Variants in LHPP observed in about 807,000 individuals in gnomAD.
LHPP encodes the protein hLHPP.
In LHPP, 24 loss-of-function variants were observed where a neutral mutation model predicts 30.3. That is an observed-to-expected ratio of 0.79 (90% CI 0.57 to 1.11). The LOEUF is 1.11. Among genes scored for constraint, LHPP ranks in the 50% most tolerant of loss-of-function variants. LHPP has a pLI of 0.00. For synonymous variants in LHPP, 150 were observed against 157.1 expected (o/e 0.95, Z 0.34); for missense variants, 356 against 367.2 (o/e 0.97, Z 0.25).
At chr10:124,519,269 A>G (rs1049201118) in intron 6 of LHPP, among the ~76,000 whole-genome samples, 1 of 152,292 alleles carries the variant, frequency 6.6e-6, no homozygotes, top group South Asian at 2.1e-4. Flanking sequence ...AACTCCATCA[A>G]CAGTTTGCCG....
chr10:124,501,769 A>T (rs1277806386), intron 5 of LHPP, among the ~76,000 whole-genome samples: 1 of 151,912 alleles, frequency 6.6e-6, no homozygotes, highest in Admixed American at 6.6e-5. Context: ...CACCTAAAAA[A>T]TTAACAGTGA....
Position 124,484,187 on chromosome 10 carries a change from G to T in LHPP, c.174G>T (p.Gln58His), listed in dbSNP as rs150798158. ...LKVRFCTNES[Q>H]KSRAELVGQL... The stretch of plus-strand genomic sequence containing the variant: ...TGAGGTTCTGCACCAACGAGTCGCA[G>T]AAGTCCCGGGCAGAGCTGGTGGGGC... Residue 58 changes from glutamine to histidine, a missense_variant, in exon 2 of 7, where the codon CAG (glutamine) becomes CAT (histidine). Coordinates refer to ENST00000368842, the MANE Select transcript of LHPP (RefSeq NM_022126.4). The T allele has an allele frequency of 1.1e-5, 17 of 1,614,140 alleles. No homozygotes were observed. In the African/African-American group the frequency reaches 2.0e-4, roughly 19 times the overall value.
At chr10:124,575,940 C>T (rs1272984764) in intron 6 of LHPP, among the ~76,000 whole-genome samples, 2 of 152,142 alleles carry the variant, frequency 1.3e-5, no homozygotes, top group South Asian at 2.1e-4. Context: ...GGTGCCAGGT[C>T]GGGGGTCTGG....
intron 3 of LHPP, among the ~76,000 whole-genome samples, chr10:124,490,792 G>GC (rs1953498167): frequency 6.6e-6 from 1 of 152,222 alleles, no homozygotes; most frequent in Admixed American, 6.5e-5. Flanking sequence ...CCAGAAAGCT[G>GC]CACAGACTTA....
rs1948944950 is a variant in LHPP at position 124,596,531 on chromosome 10, T to C, written c.717-16733T>C. Reference sequence around the variant, plus strand: ...GAACACACACAGAGTGGGCCGGCGCTCATAAGCAGTCCCGTGTGAATCCTT... The same window carrying C: ...GAACACACACAGAGTGGGCCGGCGCCCATAAGCAGTCCCGTGTGAATCCTT... On this transcript the variant is annotated intron_variant, in intron 6 of 6. Coordinates refer to ENST00000368842, the MANE Select transcript of LHPP (RefSeq NM_022126.4). This position sits in a 1 kb window ranked among gnomAD's most constrained non-coding sequence, Gnocchi z 4.6. Among the ~76,000 whole-genome samples, 2 of 152,156 alleles carry C rather than the reference T, an allele frequency of 1.3e-5. No individual in the cohort carries two copies. Among genetic ancestry groups the C allele is most frequent in the Non-Finnish European group, 2.9e-5 (2 of 68,032 alleles).
intron 5 of LHPP, among the ~76,000 whole-genome samples, chr10:124,512,171 C>A (rs1454928885): frequency 6.6e-6 from 1 of 152,188 alleles, no homozygotes; most frequent in Non-Finnish European, 1.5e-5. Flanking sequence ...ACTGTGTGCC[C>A]ACTGCCTGGC....
chr10:124,554,194 T>C (rs889806053), intron 6 of LHPP: 1 of 398,690 alleles, frequency 2.5e-6, no homozygotes, highest in Non-Finnish European at 3.4e-6. Context: ...TTATTCATTT[T>C]ATTTATTTAT....
Position 124,569,508 on chromosome 10 carries a change from A to G in LHPP, c.717-43756A>G, listed in dbSNP as rs573002215. On this transcript the variant is annotated intron_variant, in intron 6 of 6. Transcript: ENST00000368842. The stretch of plus-strand genomic sequence containing the variant: ...GCTGGGAGGGCAGCGTTTCCAAAGC[A>G]AATGGAAAAGGCAAACGGGAACGTG... 3.9e-5 allele frequency among the ~76,000 whole-genome samples: 6 copies of G among 152,306 alleles called. No homozygotes were observed. In the East Asian group the frequency reaches 1.2e-3, roughly 29 times the overall value.
intron 3 of LHPP, among the ~76,000 whole-genome samples, chr10:124,494,602 G>T (rs757740954): frequency 7.2e-5 from 11 of 152,192 alleles, no homozygotes; most frequent in Non-Finnish European, 1.6e-4. Context: ...AGAGGGCCTT[G>T]CCTGTGGTGG....
intron 6 of LHPP, among the ~76,000 whole-genome samples, chr10:124,551,177 G>A (rs1190000578): frequency 4.6e-5 from 7 of 152,206 alleles, no homozygotes; most frequent in Middle Eastern, 3.4e-3. Context: ...CCCCAGCCTC[G>A]CCTCCTCCCT....
chr10:124,497,457 T>C (rs1206853812), intron 4 of LHPP, among the ~76,000 whole-genome samples: 1 of 151,968 alleles, frequency 6.6e-6, no homozygotes, highest in Non-Finnish European at 1.5e-5. Context: ...GGGTCCTCAC[T>C]GGCCTCCTTC....
intron 6 of LHPP, among the ~76,000 whole-genome samples, chr10:124,570,969 G>A (rs1310084925): frequency 6.6e-6 from 1 of 152,152 alleles, no homozygotes; most frequent in East Asian, 1.9e-4. Flanking sequence ...TTGAATCACG[G>A]GGGCAGGTCT....
chr10:124,519,993 C>T (rs9733367), intron 6 of LHPP, among the ~76,000 whole-genome samples: 25,326 of 151,858 alleles, frequency 0.17, 3,025 homozygotes, highest in South Asian at 0.32. Flanking sequence ...CCACCACGCC[C>T]GGCTAATTTT....
rs147676337 is a variant in LHPP at position 124,475,210 on chromosome 10, A to T, written c.126-8929A>T. ...GCTAACTTTTGTATTTTAAATAGAG[A>T]TGGGGTTTCACTGTGTTGTTCGCCA... On this transcript the variant is annotated intron_variant, in intron 1 of 6. Coordinates refer to ENST00000368842, the MANE Select transcript of LHPP (RefSeq NM_022126.4). Among the ~76,000 whole-genome samples the T allele has an allele frequency of 4.9e-3, 744 of 151,482 alleles. 5 individuals are homozygous for T. The highest frequency in any genetic ancestry group is 0.017 in the African/African-American group (702 of 41,378).
At chr10:124,484,440 C>A in intron 2 of LHPP, 114 bp downstream of exon 2, 2 of 1,029,418 alleles carry the variant, frequency 1.9e-6, no homozygotes, top group Non-Finnish European at 2.9e-6. Context: ...GCTAGGCCAC[C>A]AACACTCATG....
rs375703033 is a variant in LHPP, at chr10:124,515,017, G to A, written c.625-2163G>A. Among the ~76,000 whole-genome samples the A allele has an allele frequency of 1.1e-4, 17 of 152,140 alleles. No individual in the cohort carries two copies. In the East Asian group the frequency reaches 2.7e-3, roughly 24 times the overall value. On this transcript the variant is annotated intron_variant, in intron 5 of 6. Transcript: ENST00000368842. The stretch of plus-strand genomic sequence containing the variant: ...GGGTCTTGCGGTGTTGCCTAGGCTG[G>A]CCTTGGACTCCTGGGCTCAAGTGAT...
At chr10:124,481,626 C>T (rs1287090593) in intron 1 of LHPP, among the ~76,000 whole-genome samples, 1 of 151,966 alleles carries the variant, frequency 6.6e-6, no homozygotes, top group Non-Finnish European at 1.5e-5. Flanking sequence ...AGTGATCCAC[C>T]CACCTCGACC....
At chr10:124,506,122 G>A (rs1267911834) in intron 5 of LHPP, among the ~76,000 whole-genome samples, 6 of 152,114 alleles carry the variant, frequency 3.9e-5, no homozygotes, top group African/African-American at 1.4e-4. Context: ...GCTGGCACAT[G>A]CCTGTGGTCC....
At chr10:124,598,319 C>T (rs1948976596) in intron 6 of LHPP, among the ~76,000 whole-genome samples, 1 of 152,244 alleles carries the variant, frequency 6.6e-6, no homozygotes, top group Admixed American at 6.5e-5. Flanking sequence ...TCCAGGGTGG[C>T]CCCTTGCCAC....
Sources: gnomAD v4.1 joint callset for allele counts (sites outside exome capture counted in the v4.1 genomes callset) on GRCh38, gnomAD v4.1.1 for gene constraint, Gnocchi (gnomAD v3.1) non-coding constraint, MANE v1.5 for transcripts, NCBI Gene and HGNC (gene_info 2026-07-23, HGNC 2026-07-21) for gene names.